The following PDS5A variants were observed in gnomAD, a reference collection of about 807,000 sequenced individuals.
The protein encoded by PDS5A is sister chromatid cohesion protein PDS5 homolog A.
A neutral mutation model predicts 167.1 loss-of-function variants in PDS5A; 42 were observed. The ratio of observed to expected loss-of-function variants is 0.25; its 90% confidence interval spans 0.20 to 0.33. The LOEUF (loss-of-function observed/expected upper bound fraction) is 0.33, where lower values mean the gene tolerates loss of function less well. PDS5A is among the 10% of genes least tolerant of loss of function. The pLI is 1.00. For synonymous variants in PDS5A, 553 were observed against 554.6 expected, an observed-to-expected ratio of 1.00 and a Z score of 0.04; for missense variants, 1,033 against 1,605.9, an observed-to-expected ratio of 0.64 and a Z score of 6.10.
intron 7 of PDS5A, among the ~76,000 whole-genome samples, chr4:39,918,383 TAA>T (rs1373790581): frequency 2.0e-4 from 30 of 150,868 alleles, no homozygotes; most frequent in South Asian, 4.2e-4. Context: ...TAGACAGAAA[TAA>T]AGAGTATACA....
chr4:39,932,315 C>T (rs1175254403), intron 2 of PDS5A: 1 of 152,428 alleles, frequency 6.6e-6, no homozygotes, highest in African/African-American at 2.4e-5. Context: ...TATTAGGAAT[C>T]CCAGACTATT....
At position 39,879,846 on chromosome 4, in the gene PDS5A, G is replaced by A; in HGVS notation, c.1887-13C>T. 6.7e-7 allele frequency: 1 copy of A among 1,483,678 alleles called. No homozygotes were observed. The highest frequency in any genetic ancestry group is 9.4e-7 in the Non-Finnish European group (1 of 1,062,108). 91.9% of individuals were successfully genotyped at this position (1,483,678 alleles called of 1,614,324 possible). ...TTTCACTAGTGCACTATAAAAAGAA[G>A]AAAATATAAATCAGTAACCACTGTA... On this transcript the variant is annotated splice_polypyrimidine_tract_variant and intron_variant, in intron 17 of 32. Transcript: ENST00000303538.
At chr4:39,932,367 G>A (rs1157141973) in intron 2 of PDS5A, 2 of 155,150 alleles carry the variant, frequency 1.3e-5, no homozygotes, top group Non-Finnish European at 2.9e-5. Context: ...CTACGTGGAA[G>A]AGAACTAAGG....
intron 6 of PDS5A, 82 bp downstream of exon 6, chr4:39,922,540 A>C: frequency 2.1e-5 from 24 of 1,164,144 alleles, no homozygotes; most frequent in East Asian, 2.8e-5. Context: ...TGGGATTGCA[A>C]ATGGCCATAA....
chr4:39,874,157 C>T (rs926720728), intron 20 of PDS5A, 132 bp downstream of exon 20: 11 of 644,184 alleles, frequency 1.7e-5, no homozygotes, highest in Non-Finnish European at 2.8e-5. Flanking sequence ...AGAATCCTTG[C>T]TCACAAGGAA....
At chr4:39,897,348 TA>T (rs1286713840) in intron 16 of PDS5A, among the ~76,000 whole-genome samples, 1 of 152,164 alleles carries the variant, frequency 6.6e-6, no homozygotes, top group Non-Finnish European at 1.5e-5. Flanking sequence ...TGAGGTGAGA[TA>T]ATCACTTGAA....
intron 8 of PDS5A, among the ~76,000 whole-genome samples, chr4:39,916,257 G>T (rs1724369556): frequency 6.6e-6 from 1 of 151,746 alleles, no homozygotes; most frequent in African/African-American, 2.4e-5. Flanking sequence ...AGAGTTCAAG[G>T]CAGTATTAAA....
chr4:39,871,195 AGATG>A (rs1719995304), intron 21 of PDS5A, among the ~76,000 whole-genome samples: 1 of 152,134 alleles, frequency 6.6e-6, no homozygotes. Flanking sequence ...AAAATTCTGG[AGATG>A]GATGGGGTGG....
At chr4:39,877,992 C>G (rs571147437) in intron 18 of PDS5A, among the ~76,000 whole-genome samples, 1 of 152,232 alleles carries the variant, frequency 6.6e-6, no homozygotes, top group South Asian at 2.1e-4. Context: ...TATAATTATT[C>G]CCTTATTATA....
chr4:39,869,688 G>C (rs1404655740), intron 21 of PDS5A, among the ~76,000 whole-genome samples: 2 of 152,168 alleles, frequency 1.3e-5, no homozygotes, highest in African/African-American at 4.8e-5. Flanking sequence ...GGCAAGGATA[G>C]ACATATAGAC....
At chr4:39,950,593 G>T (rs1728255240) in intron 2 of PDS5A, among the ~76,000 whole-genome samples, 1 of 151,824 alleles carries the variant, frequency 6.6e-6, no homozygotes, top group Non-Finnish European at 1.5e-5. Flanking sequence ...ATAGAATTTT[G>T]TTTGTTTTTG....
intron 18 of PDS5A, among the ~76,000 whole-genome samples, chr4:39,879,109 C>G (rs1023907605): frequency 1.3e-5 from 2 of 152,148 alleles, no homozygotes; most frequent in African/African-American, 4.8e-5. Context: ...ACATCCATTG[C>G]ACTGGTTTGT....
intron 17 of PDS5A, among the ~76,000 whole-genome samples, chr4:39,884,800 T>C (rs1420159607): frequency 6.6e-6 from 1 of 152,196 alleles, no homozygotes; most frequent in Non-Finnish European, 1.5e-5. Context: ...TTTTAAAATT[T>C]TACTTTCACC....
intron 2 of PDS5A, among the ~76,000 whole-genome samples, chr4:39,938,903 G>A (rs1254387446): frequency 1.3e-5 from 2 of 151,900 alleles, no homozygotes; most frequent in South Asian, 2.1e-4. Flanking sequence ...CAGGGAGTCC[G>A]AGGTTGCAGT....
chr4:39,839,011 T>A (rs928873015), intron 31 of PDS5A, among the ~76,000 whole-genome samples: 6 of 151,898 alleles, frequency 4.0e-5, no homozygotes, highest in African/African-American at 9.7e-5. Context: ...ATTGCAATAA[T>A]AAAAATATAA....
At chr4:39,939,224 G>A (rs1298266021) in intron 2 of PDS5A, among the ~76,000 whole-genome samples, 1 of 152,112 alleles carries the variant, frequency 6.6e-6, no homozygotes, top group Non-Finnish European at 1.5e-5. Context: ...CACTTTGGGA[G>A]GGCGAGGCAG....
At chr4:39,856,549 C>T (rs4975042) in intron 26 of PDS5A, among the ~76,000 whole-genome samples, 14,817 of 152,196 alleles carry the variant, frequency 0.097, 879 homozygotes, top group East Asian at 0.22. Flanking sequence ...GGTGCAGTGG[C>T]TCATGCCTGT....
chr4:39,904,234 TC>T, intron 11 of PDS5A, 43 bp from the exon 12 acceptor site: 1 of 1,412,614 alleles, frequency 7.1e-7, no homozygotes, highest in East Asian at 2.4e-5. Flanking sequence ...ATAACAAAAC[TC>T]TGTACTAATC....
intron 18 of PDS5A, among the ~76,000 whole-genome samples, chr4:39,879,484 A>G (rs964007785): frequency 2.0e-5 from 3 of 152,210 alleles, no homozygotes; most frequent in African/African-American, 4.8e-5. Context: ...TACAGTAATC[A>G]CTACCAAGCA....
Sources: allele counts gnomAD v4.1 joint callset (sites outside exome capture counted in the v4.1 genomes callset), GRCh38; gene constraint gnomAD v4.1.1; transcripts MANE v1.5; gene names NCBI Gene and HGNC (gene_info 2026-07-23, HGNC 2026-07-21).